MID1: variants seen among roughly 807,000 people sequenced by gnomAD.
MID1 encodes E3 ubiquitin-protein ligase Midline-1.
Under a neutral mutation model 40.4 loss-of-function variants are expected in MID1, and 7 were observed. That is an observed-to-expected ratio of 0.17 (90% CI 0.10 to 0.33). The LOEUF (loss-of-function observed/expected upper bound fraction) is 0.33. Among genes scored for constraint, MID1 ranks in the 10% least tolerant of loss-of-function variants. The pLI, the probability that MID1 is intolerant of heterozygous loss-of-function variation, is 1.00. For synonymous variants in MID1, 229 were observed against 221.2 expected (o/e 1.04, Z -0.31); for missense variants, 367 against 558.5 (o/e 0.66, Z 3.46).
chrX:10,731,889 G>C (rs2043450927), intron 1 of MID1, among the ~76,000 whole-genome samples: 1 of 105,591 alleles, frequency 9.5e-6, no homozygotes, highest in South Asian at 4.5e-4. Flanking sequence ...GAATCCGGGA[G>C]GTGGAGGTTG....
intron 1 of MID1, among the ~76,000 whole-genome samples, chrX:10,722,520 C>T (rs1041104482): frequency 3.6e-5 from 4 of 112,188 alleles, no homozygotes; most frequent in African/African-American, 1.3e-4. Flanking sequence ...CAAAAAATAC[C>T]TTCCCTGGTT....
intron 1 of MID1, among the ~76,000 whole-genome samples, chrX:10,572,984 G>A (rs891263359): frequency 9.8e-5 from 11 of 112,168 alleles, no homozygotes; most frequent in Non-Finnish European, 1.7e-4. Flanking sequence ...GTCCACAGAT[G>A]TTCCCTACAG....
intron 7 of MID1, among the ~76,000 whole-genome samples, chrX:10,466,800 C>T (rs1602261046): frequency 1.8e-5 from 2 of 111,818 alleles, no homozygotes; most frequent in Admixed American, 9.5e-5. Flanking sequence ...TTTAATTCCA[C>T]GTTAAGTTTA....
intron 1 of MID1, among the ~76,000 whole-genome samples, chrX:10,567,947 A>T (rs1256408306): frequency 2.7e-5 from 3 of 112,146 alleles, no homozygotes; most frequent in Non-Finnish European, 5.6e-5. Flanking sequence ...TGTCAGAGTC[A>T]GGTTTAACCT....
intron 1 of MID1, among the ~76,000 whole-genome samples, chrX:10,727,730 T>C (rs57304180): frequency 0.11 from 12,453 of 111,017 alleles, 1,571 homozygotes; most frequent in African/African-American, 0.37. Context: ...AACCTGCATT[T>C]TAATAAGCCT....
At chrX:10,820,452 G>T (rs1012139958) in intron 1 of MID1, among the ~76,000 whole-genome samples, 6 of 111,859 alleles carry the variant, frequency 5.4e-5, no homozygotes, top group Non-Finnish European at 1.9e-5. Flanking sequence ...GTCATCTATG[G>T]AAAAGATCAG....
At chrX:10,771,365 A>T (rs1320932162) in intron 1 of MID1, among the ~76,000 whole-genome samples, 1 of 111,769 alleles carries the variant, frequency 8.9e-6, no homozygotes, top group Non-Finnish European at 1.9e-5. Flanking sequence ...AGAGAAGTAT[A>T]AACTTCTCAT....
At chrX:10,819,284 C>T (rs189820553) in intron 1 of MID1, among the ~76,000 whole-genome samples, 3 of 111,674 alleles carry the variant, frequency 2.7e-5, no homozygotes, top group Non-Finnish European at 5.7e-5. Flanking sequence ...TTGAAGACCT[C>T]TCATCTAGTC....
intron 1 of MID1, among the ~76,000 whole-genome samples, chrX:10,750,899 G>C (rs1423338824): frequency 2.7e-5 from 3 of 111,164 alleles, no homozygotes; most frequent in African/African-American, 9.8e-5. Flanking sequence ...TAGAATGTGG[G>C]GTGGGCAGAG....
At chrX:10,724,544 C>A (rs994624132) in intron 1 of MID1, among the ~76,000 whole-genome samples, 4 of 111,841 alleles carry the variant, frequency 3.6e-5, no homozygotes, top group Non-Finnish European at 7.5e-5. Context: ...ATAAAAGAGA[C>A]CTGGATTCTC....
intron 1 of MID1, among the ~76,000 whole-genome samples, chrX:10,593,141 A>G (rs1175559499): frequency 1.8e-5 from 2 of 112,145 alleles, no homozygotes; most frequent in Non-Finnish European, 1.9e-5. Flanking sequence ...ACATTTTAGC[A>G]AAGTTCAGGT....
rs183089409 is a variant in MID1, at chrX:10,638,373, C to T, written c.-186-17954G>A. Among the ~76,000 whole-genome samples, 768 of 112,217 alleles carry T rather than the reference C, an allele frequency of 6.8e-3. 3 individuals carry two copies. Among genetic ancestry groups the T allele is most frequent in the African/African-American group, 0.024 (729 of 30,916 alleles). ...AGGAGATTATATCCTGCGCATGGCT[C>T]GGAGGGTCCCACACCCACAGAGCCT... On this transcript the variant is annotated intron_variant, in intron 1 of 10. Coordinates refer to the MID1 transcript ENST00000380785.
intron 2 of MID1, among the ~76,000 whole-genome samples, chrX:10,527,172 A>G (rs777080971): frequency 7.1e-5 from 8 of 112,242 alleles, no homozygotes; most frequent in Non-Finnish European, 1.5e-4. Flanking sequence ...ATCTAAAAAA[A>G]TTCTACAGAG....
intron 1 of MID1, among the ~76,000 whole-genome samples, chrX:10,810,002 A>G (rs1357138485): frequency 2.7e-5 from 3 of 111,829 alleles, no homozygotes; most frequent in Non-Finnish European, 5.6e-5. Flanking sequence ...GTATTTTTAA[A>G]GTTGTGGTAA....
At chrX:10,762,494 T>C (rs1232110686) in intron 1 of MID1, among the ~76,000 whole-genome samples, 2 of 109,847 alleles carry the variant, frequency 1.8e-5, no homozygotes, top group Non-Finnish European at 3.8e-5. Context: ...TTTTTTTTTT[T>C]CCAATATCGG....
At chrX:10,609,176 C>T (rs1569126544) in intron 1 of MID1, among the ~76,000 whole-genome samples, 1 of 110,560 alleles carries the variant, frequency 9.0e-6, no homozygotes, top group African/African-American at 3.3e-5. Context: ...CACACACACA[C>T]ACATTTGTCT....
intron 5 of MID1, among the ~76,000 whole-genome samples, chrX:10,478,651 C>T (rs946638424): frequency 1.3e-4 from 15 of 112,169 alleles, no homozygotes; most frequent in South Asian, 3.7e-4. Context: ...GCCAAACAAC[C>T]GGTTCCAAAG....
chrX:10,506,051 C>T, intron 3 of MID1: 1 of 773,368 alleles, frequency 1.3e-6, no homozygotes, highest in Non-Finnish European at 1.5e-6. Context: ...AAGCTTTGTT[C>T]TGCCTTCATG....
At position 10,516,188 on chromosome X, in the gene MID1, CT is replaced by C. The variant is rs1191096522; in HGVS notation, c.756+6903del. Among the ~76,000 whole-genome samples the C allele has an allele frequency of 7.1e-3, 504 of 71,448 alleles. 2 individuals are homozygous for C. Among genetic ancestry groups the C allele is most frequent in the African/African-American group, 0.025 (416 of 16,314 alleles). 62.0% of individuals were successfully genotyped at this position (71,448 alleles called of 115,157 possible). A position where few individuals can be genotyped will look rare whatever the true frequency, so the allele number is the denominator to read the frequency against. ...TCTTAGGAGTCTACCTGAAGTTGCT[CT>C]TTTTTTTTTTTTTTTTTTTTTTTGA... On this transcript the variant is annotated intron_variant, in intron 3 of 9. Transcript: ENST00000317552.
Sources: gnomAD v4.1 joint callset for allele counts (sites outside exome capture counted in the v4.1 genomes callset) on GRCh38, gnomAD v4.1.1 for gene constraint, MANE v1.5 for transcripts, NCBI Gene and HGNC (gene_info 2026-07-23, HGNC 2026-07-21) for gene names.